MCTP1: variants seen among roughly 807,000 people sequenced by gnomAD.
MCTP1 encodes the protein multiple C2 and transmembrane domain containing 1, also known as multiple C2 and transmembrane domain-containing protein 1.
In MCTP1, 69 loss-of-function variants were observed where a neutral mutation model predicts 120.6. The observed-to-expected ratio is 0.57, with a 90% CI of 0.47 to 0.70. The LOEUF (loss-of-function observed/expected upper bound fraction) is 0.70. MCTP1 is among the 30% of genes least tolerant of loss of function. The pLI is 0.00. For missense variants in MCTP1, 1,203 were observed against 1,248.8 expected (o/e 0.96, Z 0.55); for synonymous variants, 529 against 493.1 (o/e 1.07, Z -0.96).
At chr5:94,907,396 G>C (rs1807195234) in intron 10 of MCTP1, among the ~76,000 whole-genome samples, 1 of 152,122 alleles carries the variant, frequency 6.6e-6, no homozygotes, top group Non-Finnish European at 1.5e-5. Flanking sequence ...CTCCAGAGCT[G>C]TCTTGTCTAT....
chr5:95,064,829 T>C (rs1750172131), intron 1 of MCTP1, among the ~76,000 whole-genome samples: 1 of 152,232 alleles, frequency 6.6e-6, no homozygotes, highest in Admixed American at 6.5e-5. Context: ...AATAAAGTAT[T>C]CAATAATTTT....
intron 17 of MCTP1, among the ~76,000 whole-genome samples, chr5:94,862,583 G>C (rs1168414767): frequency 6.6e-6 from 1 of 151,604 alleles, no homozygotes; most frequent in Non-Finnish European, 1.5e-5. Flanking sequence ...GTTATTATCT[G>C]GCTTGCTATA....
Position 94,758,408 on chromosome 5 carries a change from T to C in MCTP1, c.2610+20702A>G, listed in dbSNP as rs1035951450. On this transcript the variant is annotated intron_variant, in intron 19 of 22. Transcript: ENST00000515393. ...CTGCAGTGAGCTATGATTACACCAC[T>C]GCACTCCAGCCTGGGGGACAGAGCG... Among the ~76,000 whole-genome samples the C allele has an allele frequency of 5.3e-5, 8 of 152,120 alleles. No homozygotes were observed. The East Asian group carries it at 1.5e-3, about 29-fold the overall frequency.
chr5:94,931,309 A>G (rs553123762), intron 6 of MCTP1: 5 of 152,286 alleles, frequency 3.3e-5, no homozygotes, highest in Admixed American at 1.3e-4. Context: ...GATTTATTTC[A>G]AGGTATATTC....
intron 1 of MCTP1, among the ~76,000 whole-genome samples, chr5:95,170,939 T>G (rs1747187351): frequency 6.6e-6 from 1 of 152,204 alleles, no homozygotes; most frequent in Non-Finnish European, 1.5e-5. Context: ...ATGTGTGAAT[T>G]TGATCCTGTC....
intron 4 of MCTP1, among the ~76,000 whole-genome samples, chr5:94,940,692 A>C (rs1311962255): frequency 1.3e-5 from 2 of 149,688 alleles, no homozygotes; most frequent in African/African-American, 2.4e-5. Context: ...GACTTAGTTC[A>C]TTTTCATGTA....
intron 1 of MCTP1, among the ~76,000 whole-genome samples, chr5:95,143,282 T>C (rs1446506735): frequency 2.6e-5 from 4 of 152,180 alleles, no homozygotes; most frequent in African/African-American, 9.6e-5. Context: ...TTTTTCCTAT[T>C]CTTCAGGTCA....
At chr5:95,245,514 G>A (rs1396713458) in intron 1 of MCTP1, among the ~76,000 whole-genome samples, 1 of 152,044 alleles carries the variant, frequency 6.6e-6, no homozygotes, top group Middle Eastern at 3.2e-3. Flanking sequence ...CACAGCACGA[G>A]AACTTTGTGA....
rs181149261 is a variant in MCTP1, at chr5:95,125,429, C to G, written c.721-107945G>C. Among the ~76,000 whole-genome samples the G allele has an allele frequency of 1.5e-3, 221 of 152,284 alleles. 3 individuals carry two copies. The highest frequency in any genetic ancestry group is 5.1e-3 in the African/African-American group (210 of 41,568). On this transcript the variant is annotated intron_variant, in intron 1 of 22. Coordinates refer to ENST00000515393, the MANE Select transcript of MCTP1 (RefSeq NM_024717.7). ...CCACCTGAGTCTCCACGCCTTTTCT[C>G]CTAAAGACTCTTCTTCCTGGAATCG...
At chr5:94,868,476 T>C in intron 16 of MCTP1, 24 bp from the exon 17 acceptor site, 1 of 1,553,714 alleles carries the variant, frequency 6.4e-7, no homozygotes, top group African/African-American at 1.4e-5. Context: ...GAAAATATTA[T>C]TATAATTTGC....
intron 5 of MCTP1, among the ~76,000 whole-genome samples, chr5:94,934,568 A>G (rs1264173930): frequency 6.6e-6 from 1 of 151,742 alleles, no homozygotes; most frequent in East Asian, 1.9e-4. Context: ...GTGACTTTTT[A>G]AGGCGATTAT....
At chr5:95,048,757 C>A (rs1745178813) in intron 1 of MCTP1, among the ~76,000 whole-genome samples, 1 of 152,062 alleles carries the variant, frequency 6.6e-6, no homozygotes, top group African/African-American at 2.4e-5. Flanking sequence ...GTTAGAATAA[C>A]TAATAGAGTT....
chr5:94,720,057 C>T (rs776225680), intron 19 of MCTP1, among the ~76,000 whole-genome samples: 1 of 151,934 alleles, frequency 6.6e-6, no homozygotes, highest in Non-Finnish European at 1.5e-5. Flanking sequence ...ACCTGGGAGG[C>T]AGAGGTTGCG....
intron 19 of MCTP1, among the ~76,000 whole-genome samples, chr5:94,771,024 A>G (rs1158427983): frequency 6.6e-6 from 1 of 152,210 alleles, no homozygotes; most frequent in Non-Finnish European, 1.5e-5. Flanking sequence ...TTGCTGCCTC[A>G]AAACTACTCC....
In MCTP1 at chr5:94,843,384, G is replaced by T. The variant is rs78083642; in HGVS notation, c.2436+24949C>A. Among the ~76,000 whole-genome samples the T allele has an allele frequency of 9.0e-3, 1,367 of 152,190 alleles. 44 individuals are homozygous for T. In the East Asian group the frequency reaches 0.096, roughly 11 times the overall value. On this transcript the variant is annotated intron_variant, in intron 17 of 22. Transcript: ENST00000515393. The stretch of plus-strand genomic sequence containing the variant: ...GTGTATGTGTATAAACACATATGTT[G>T]TGATCAGTTTACAATGTCTGCCACA...
intron 1 of MCTP1, among the ~76,000 whole-genome samples, chr5:95,127,109 A>T (rs1290934591): frequency 6.6e-6 from 1 of 152,150 alleles, no homozygotes; most frequent in Non-Finnish European, 1.5e-5. Context: ...ATAGCAGGCA[A>T]ATTCCTCATC....
chr5:95,116,437 C>A (rs1309541014), intron 1 of MCTP1, among the ~76,000 whole-genome samples: 2 of 151,996 alleles, frequency 1.3e-5, no homozygotes, highest in African/African-American at 4.8e-5. Context: ...TTACTGCAGT[C>A]TTGTGGTATA....
chr5:94,979,177 C>G (rs1168722960), intron 2 of MCTP1: 2 of 148,078 alleles, frequency 1.4e-5, no homozygotes, highest in African/African-American at 5.1e-5. Flanking sequence ...AATTTTCCTA[C>G]TCTCCAGGTT....
intron 20 of MCTP1, among the ~76,000 whole-genome samples, chr5:94,714,063 T>A (rs1256505310): frequency 1.3e-5 from 2 of 152,188 alleles, no homozygotes; most frequent in African/African-American, 4.8e-5. Context: ...ATCTTTTAAC[T>A]GATAATTGCT....
Sources: gnomAD v4.1 joint callset for allele counts (sites outside exome capture counted in the v4.1 genomes callset) on GRCh38, gnomAD v4.1.1 for gene constraint, MANE v1.5 for transcripts, NCBI Gene and HGNC (gene_info 2026-07-23, HGNC 2026-07-21) for gene names.